Variants in PHF20 observed in about 807,000 individuals in gnomAD.
PHF20 encodes the protein PHD finger protein 20, also known as glioma-expressed antigen 2.
A neutral mutation model predicts 113.5 loss-of-function variants in PHF20; 23 were observed. The ratio of observed to expected loss-of-function variants is 0.20; its 90% CI spans 0.15 to 0.29. PHF20 has a LOEUF of 0.29. PHF20 is among the 10% of genes least tolerant of loss of function. The pLI, the probability that PHF20 is intolerant of heterozygous loss-of-function variation, is 1.00. For synonymous variants in PHF20, 434 were observed against 457.3 expected (o/e 0.95, Z 0.65); for missense variants, 943 against 1,219.6 (o/e 0.77, Z 3.38).
chr20:35,816,285 C>T (rs2042072840), intron 2 of PHF20, among the ~76,000 whole-genome samples: 1 of 151,840 alleles, frequency 6.6e-6, no homozygotes, highest in African/African-American at 2.4e-5. Flanking sequence ...CATACTTTAA[C>T]CTACTTGCCT....
intron 2 of PHF20, among the ~76,000 whole-genome samples, chr20:35,825,734 G>A (rs1307152301): frequency 2.6e-5 from 4 of 151,922 alleles, no homozygotes; most frequent in Admixed American, 1.3e-4. Flanking sequence ...ATACACTACA[G>A]CCTTCAATTC....
chr20:35,820,844 A>G (rs1001839184), intron 2 of PHF20, among the ~76,000 whole-genome samples: 1 of 151,994 alleles, frequency 6.6e-6, no homozygotes, highest in Admixed American at 6.6e-5. Context: ...TCTCTGACAG[A>G]CATTTAAATA....
At chr20:35,943,665 G>A (rs1254478694) in intron 17 of PHF20, among the ~76,000 whole-genome samples, 1 of 152,006 alleles carries the variant, frequency 6.6e-6, no homozygotes, top group Non-Finnish European at 1.5e-5. Flanking sequence ...CTGTTGCCCA[G>A]GCTGGAGTGC....
At chr20:35,946,437 A>T (rs1029817119) in intron 17 of PHF20, among the ~76,000 whole-genome samples, 2 of 152,156 alleles carry the variant, frequency 1.3e-5, no homozygotes, top group East Asian at 1.9e-4. Flanking sequence ...CCATCTCAAA[A>T]AAATAAATAA....
At chr20:35,873,321 G>A (rs985694551) in intron 9 of PHF20, among the ~76,000 whole-genome samples, 1 of 151,792 alleles carries the variant, frequency 6.6e-6, no homozygotes, top group African/African-American at 2.4e-5. Context: ...GGTTGGCCTC[G>A]AACTCCTGAC....
chr20:35,920,975 A>G (rs192860702), intron 13 of PHF20, among the ~76,000 whole-genome samples: 15 of 152,348 alleles, frequency 9.8e-5, no homozygotes, highest in Admixed American at 9.2e-4. Context: ...CAAAATGGAT[A>G]ATCTTTACTT....
At chr20:35,813,972 G>A (rs2042022833) in intron 2 of PHF20, among the ~76,000 whole-genome samples, 1 of 146,728 alleles carries the variant, frequency 6.8e-6, no homozygotes, top group African/African-American at 2.5e-5. Flanking sequence ...ATTGACCTCT[G>A]AGGTTGAGGC....
chr20:35,927,650 T>C, intron 13 of PHF20, 130 bp from the exon 14 acceptor site: 1 of 715,194 alleles, frequency 1.4e-6, no homozygotes, highest in Non-Finnish European at 2.5e-6. Flanking sequence ...TCCACGTTAG[T>C]CAGGAGGGAG....
chr20:35,910,257 A>G (rs752047634), intron 10 of PHF20, among the ~76,000 whole-genome samples: 37 of 152,140 alleles, frequency 2.4e-4, no homozygotes, highest in Non-Finnish European at 4.9e-4. Flanking sequence ...GCTGAGGGGA[A>G]GGGCTTAGGG....
In PHF20 at chr20:35,899,401, T is replaced by G. The variant is rs2055050992; in HGVS notation, c.1314T>G (p.Phe438Leu). The G allele has an allele frequency of 1.2e-6, 2 of 1,611,288 alleles. No individual in the cohort carries two copies. The highest frequency in any genetic ancestry group is 1.7e-6 in the Non-Finnish European group (2 of 1,178,068). Residue 438 changes from phenylalanine (F) to leucine (L), a missense_variant, in exon 10 of 18, where the codon TTT becomes TTG. Physicochemically the swap from Phe to Leu is conservative, Grantham distance 22. Coordinates refer to ENST00000374012, the MANE Select transcript of PHF20 (RefSeq NM_016436.5). ...VTNTFKKTDD[F>L]GSSNAPAVDL... ...ATACTTTTAAGAAAACAGATGATTT[T>G]GGGTCATCTAATGCACCAGCTGTCG...
At chr20:35,781,711 G>A (rs2041301006) in intron 1 of PHF20, among the ~76,000 whole-genome samples, 1 of 152,146 alleles carries the variant, frequency 6.6e-6, no homozygotes, top group Non-Finnish European at 1.5e-5. Flanking sequence ...TCGGGAGGCT[G>A]AGGCAGGTAG....
chr20:35,947,528 T>A lies in PHF20; in HGVS notation c.2940T>A (p.Pro980=). 1 of 1,614,116 alleles carries A rather than the reference T, an allele frequency of 6.2e-7. No individual in the cohort carries two copies. The highest frequency in any genetic ancestry group is 2.2e-5 in the East Asian group (1 of 44,882). ...WLDYTGELEP[P]EPLARLPQLK... Reference sequence around the variant, plus strand: ...ACTACACTGGGGAACTGGAGCCCCCTGAGCCGCTGGCCAGGCTTCCGCAGC... The same window carrying A: ...ACTACACTGGGGAACTGGAGCCCCCAGAGCCGCTGGCCAGGCTTCCGCAGC... The change falls in exon 18 of 18, where the codon CCT becomes CCA. Residue 980 remains proline (P), a synonymous_variant. Coordinates refer to ENST00000374012, the MANE Select transcript of PHF20 (RefSeq NM_016436.5).
chr20:35,893,170 A>G (rs1216784515), intron 9 of PHF20, among the ~76,000 whole-genome samples: 1 of 152,178 alleles, frequency 6.6e-6, no homozygotes, highest in East Asian at 1.9e-4. Context: ...AGCTGTGAGG[A>G]ATCAAGGATT....
intron 4 of PHF20, among the ~76,000 whole-genome samples, chr20:35,855,730 G>A (rs2042815090): frequency 6.6e-6 from 1 of 152,080 alleles, no homozygotes; most frequent in Admixed American, 6.6e-5. Context: ...CTGGAGTGCA[G>A]TGGTGTGATC....
At chr20:35,942,982 C>T (rs1020323901) in intron 17 of PHF20, among the ~76,000 whole-genome samples, 7 of 152,038 alleles carry the variant, frequency 4.6e-5, no homozygotes, top group African/African-American at 1.4e-4. Context: ...CGCCACCAGG[C>T]CCGGCTAATT....
At chr20:35,846,084 A>G (rs1050451938) in intron 3 of PHF20, among the ~76,000 whole-genome samples, 2 of 151,698 alleles carry the variant, frequency 1.3e-5, no homozygotes, top group African/African-American at 2.4e-5. Context: ...TTTTAACCCT[A>G]TTAGGGAACT....
intron 1 of PHF20, among the ~76,000 whole-genome samples, chr20:35,799,794 A>G (rs572383898): frequency 4.6e-5 from 7 of 152,210 alleles, no homozygotes; most frequent in African/African-American, 1.7e-4. Flanking sequence ...CAGCCTCCCA[A>G]GTAGCTGGGA....
chr20:35,899,224 G>A (rs1039766656), intron 9 of PHF20, 146 bp from the exon 10 acceptor site: 2 of 624,632 alleles, frequency 3.2e-6, no homozygotes, highest in Non-Finnish European at 2.8e-6. Flanking sequence ...TCTCTAAACA[G>A]TAATTTGAGG....
chr20:35,791,463 ATCTATCTATCT>A (rs1382992102), intron 1 of PHF20, among the ~76,000 whole-genome samples: 1 of 145,074 alleles, frequency 6.9e-6, no homozygotes, highest in African/African-American at 2.6e-5. Flanking sequence ...CTATCTATCT[ATCTATCTATCT>A]ATCTATCTAT....
Sources: allele counts gnomAD v4.1 joint callset (sites outside exome capture counted in the v4.1 genomes callset), GRCh38; gene constraint gnomAD v4.1.1; transcripts MANE v1.5; gene names NCBI Gene and HGNC (gene_info 2026-07-23, HGNC 2026-07-21).